ADAMTS9: variants seen among roughly 807,000 people sequenced by gnomAD.
ADAMTS9 encodes ADAM metallopeptidase with thrombospondin type 1 motif 9.
In ADAMTS9, 107 loss-of-function variants were observed where a neutral mutation model predicts 257.1. The ratio of observed to expected loss-of-function variants is 0.42; its 90% confidence interval spans 0.36 to 0.49. The LOEUF (loss-of-function observed/expected upper bound fraction) is 0.49. Ranked by LOEUF, ADAMTS9 falls within the 20% of genes least tolerant of loss-of-function variation. The pLI, the probability that ADAMTS9 is intolerant of heterozygous loss-of-function variation, is 0.03. For missense variants in ADAMTS9, 2,353 were observed against 2,469.1 expected, an observed-to-expected ratio of 0.95 and a Z score of 1.00; for synonymous variants, 982 against 880.9, an observed-to-expected ratio of 1.11 and a Z score of -2.03.
chr3:64,656,710 T>C (rs957692162), intron 4 of ADAMTS9, among the ~76,000 whole-genome samples: 3 of 151,396 alleles, frequency 2.0e-5, no homozygotes, highest in Non-Finnish European at 2.9e-5. Flanking sequence ...CCTTCCCTCA[T>C]GGGCATGAGA....
At chr3:64,663,847 AATG>A (rs1701283438) in intron 3 of ADAMTS9, among the ~76,000 whole-genome samples, 1 of 152,140 alleles carries the variant, frequency 6.6e-6, no homozygotes, top group African/African-American at 2.4e-5. Flanking sequence ...AATGAGTTAG[AATG>A]ATATTTATTC....
intron 25 of ADAMTS9, 35 bp from the exon 26 acceptor site, chr3:64,602,248 C>T (rs1576104626): frequency 1.9e-6 from 3 of 1,603,478 alleles, no homozygotes; most frequent in East Asian, 4.5e-5. Context: ...AAGGGTCAGT[C>T]ATTTGGTGGA....
intron 28 of ADAMTS9, among the ~76,000 whole-genome samples, chr3:64,591,505 T>A (rs1228681705): frequency 1.3e-5 from 2 of 152,076 alleles, no homozygotes; most frequent in Non-Finnish European, 2.9e-5. Context: ...AGGCCCATTT[T>A]AAAAAGGATA....
chr3:64,611,645 C>T (rs1413136191), intron 22 of ADAMTS9, among the ~76,000 whole-genome samples: 1 of 152,132 alleles, frequency 6.6e-6, no homozygotes, highest in Admixed American at 6.5e-5. Context: ...ATAAGGAGTT[C>T]ACAACCTAGA....
chr3:64,581,038 C>T (rs1318115532), intron 28 of ADAMTS9, among the ~76,000 whole-genome samples: 18 of 152,204 alleles, frequency 1.2e-4, no homozygotes, highest in South Asian at 4.1e-4. Context: ...TTTTCCTGTC[C>T]GCACGATAGA....
At chr3:64,523,563 C>T (rs1217602409) in intron 38 of ADAMTS9, among the ~76,000 whole-genome samples, 1 of 152,156 alleles carries the variant, frequency 6.6e-6, no homozygotes, top group East Asian at 1.9e-4. Flanking sequence ...GCATAAAAAG[C>T]TTTAACTGGA....
Position 64,613,423 on chromosome 3 carries a change from G to T in ADAMTS9, c.3276C>A (p.Asp1092Glu), listed in dbSNP as rs903477277. Residue 1092 changes from aspartate to glutamate, a missense_variant, in exon 22 of 40, where the codon GAC becomes GAA. Coordinates refer to ENST00000498707, the MANE Select transcript of ADAMTS9 (RefSeq NM_182920.2). The part of the protein sequence containing the change: ...GEDRLNDRMC[D>E]PETKPTSMQT... Reference sequence around the variant, plus strand: ...GCATAGATGTTGGCTTGGTCTCAGGGTCACACATTCTATCATTTAATCGAT... The same window carrying T: ...GCATAGATGTTGGCTTGGTCTCAGGTTCACACATTCTATCATTTAATCGAT... 7 of 1,613,890 alleles carry T rather than the reference G, an allele frequency of 4.3e-6. No individual in the cohort carries two copies. The African/African-American group carries it at 6.7e-5, about 15-fold the overall frequency.
intron 12 of ADAMTS9, among the ~76,000 whole-genome samples, chr3:64,638,511 T>C (rs544269555): frequency 5.3e-5 from 8 of 152,310 alleles, no homozygotes; most frequent in Admixed American, 2.0e-4. Flanking sequence ...TATTAATAAT[T>C]CCTTCAGGGC....
intron 3 of ADAMTS9, 133 bp from the exon 4 acceptor site, chr3:64,658,924 A>G (rs1417428280): frequency 2.2e-6 from 2 of 892,870 alleles, no homozygotes; most frequent in Admixed American, 2.6e-5. Flanking sequence ...CATGGACTCT[A>G]CAGATGCACC....
intron 4 of ADAMTS9, among the ~76,000 whole-genome samples, chr3:64,657,436 A>G (rs986533721): frequency 5.0e-4 from 76 of 152,184 alleles, no homozygotes; most frequent in African/African-American, 1.5e-3. Flanking sequence ...TCCTGGGCTC[A>G]AGAGATTCTC....
rs1294345119 is a variant in ADAMTS9 at position 64,649,796 on chromosome 3, AAC to A, written c.1464-20_1464-19del. The A allele has an allele frequency of 3.1e-6, 5 of 1,607,546 alleles. No homozygotes were observed. The highest frequency in any genetic ancestry group is 2.7e-5 in the African/African-American group (2 of 74,772). ...AACCAGTGCTACGGAAACACACAGA[AAC>A]ACACAGATGGTGAGAACGGTGGCTG... is the stretch of plus-strand genomic sequence containing the variant. On this transcript the variant is annotated intron_variant, in intron 9 of 39. Coordinates refer to ENST00000498707, the MANE Select transcript of ADAMTS9 (RefSeq NM_182920.2).
rs534461835 is a variant in ADAMTS9, at chr3:64,615,192, TCAAGGGAGA to T, written c.3189+120_3189+128del. 130 of 1,143,390 alleles carry T rather than the reference TCAAGGGAGA, an allele frequency of 1.1e-4. No individual in the cohort carries two copies. In the South Asian group the frequency reaches 1.9e-3, roughly 17 times the overall value. The allele number at this position is 1,143,390 out of a possible 1,614,324, so 70.8% of individuals were successfully genotyped here. On this transcript the variant is annotated intron_variant, in intron 21 of 39. Coordinates refer to ENST00000498707, the MANE Select transcript of ADAMTS9 (RefSeq NM_182920.2). ...CAGGCAGAGAACTGGAGTTGTTTTCTCAAGGGAGACAAGGGAGAAAGGGAGAGGTGGGAG... is the reference window on the plus strand; with the variant it reads ...CAGGCAGAGAACTGGAGTTGTTTTCTCAAGGGAGAAAGGGAGAGGTGGGAG...
intron 31 of ADAMTS9, among the ~76,000 whole-genome samples, chr3:64,549,389 A>G (rs1286846823): frequency 3.9e-5 from 6 of 152,158 alleles, no homozygotes; most frequent in Non-Finnish European, 7.3e-5. Context: ...GAAGATGTCA[A>G]TCTTGGCCAG....
chr3:64,593,476 A>G (rs1247362277), intron 28 of ADAMTS9, among the ~76,000 whole-genome samples: 1 of 152,200 alleles, frequency 6.6e-6, no homozygotes, highest in East Asian at 1.9e-4. Flanking sequence ...TCCACAGCTT[A>G]TGGGCACAAC....
chr3:64,602,980 C>A (rs963366302), intron 25 of ADAMTS9, among the ~76,000 whole-genome samples: 1 of 152,208 alleles, frequency 6.6e-6, no homozygotes, highest in African/African-American at 2.4e-5. Context: ...AGAAGATGAA[C>A]TGACGGATGG....
At chr3:64,566,040 G>A (rs1392370243) in intron 29 of ADAMTS9, among the ~76,000 whole-genome samples, 4 of 152,196 alleles carry the variant, frequency 2.6e-5, no homozygotes, top group South Asian at 4.1e-4. Flanking sequence ...TCGATGTGAT[G>A]AGAAATTAAA....
At chr3:64,554,421 T>A (rs2083305867) in intron 30 of ADAMTS9, among the ~76,000 whole-genome samples, 3 of 152,212 alleles carry the variant, frequency 2.0e-5, no homozygotes, top group Admixed American at 2.0e-4. Flanking sequence ...TCTTAAATCC[T>A]AACTAGGGTA....
intron 39 of ADAMTS9, 97 bp downstream of exon 39, chr3:64,522,069 A>C: frequency 9.8e-7 from 1 of 1,023,208 alleles, no homozygotes. Context: ...CAAGATGCTT[A>C]ACTGTAACCC....
intron 38 of ADAMTS9, among the ~76,000 whole-genome samples, chr3:64,532,020 G>A (rs971473002): frequency 2.0e-5 from 3 of 152,138 alleles, no homozygotes; most frequent in African/African-American, 7.2e-5. Context: ...TTCTACTCCT[G>A]CCAGGTCCCC....
Sources: allele counts gnomAD v4.1 joint callset (sites outside exome capture counted in the v4.1 genomes callset), GRCh38; gene constraint gnomAD v4.1.1; transcripts MANE v1.5; gene names NCBI Gene and HGNC (gene_info 2026-07-23, HGNC 2026-07-21).